The following SPAG16 variants were observed in gnomAD, a reference collection of about 807,000 sequenced individuals.
SPAG16 encodes the protein sperm-associated antigen 16 protein.
In SPAG16, 86 loss-of-function variants were observed where a neutral mutation model predicts 80.4. The observed-to-expected ratio is 1.07, with a 90% confidence interval of 0.90 to 1.28. The LOEUF is 1.28. Among genes scored for constraint, SPAG16 ranks in the 50% most tolerant of loss-of-function variants. The probability of loss-of-function intolerance (pLI) is 0.00; values close to 1 mark genes in which losing one functional copy is unlikely to be tolerated. For synonymous variants in SPAG16, 294 were observed against 265.9 expected (o/e 1.11, Z -1.03); for missense variants, 870 against 765.3 (o/e 1.14, Z -1.61).
chr2:214,022,248 C>T (rs181060932), intron 13 of SPAG16, among the ~76,000 whole-genome samples: 7 of 152,128 alleles, frequency 4.6e-5, no homozygotes, highest in Admixed American at 2.6e-4. Flanking sequence ...AATCAATGTA[C>T]GTAATTGCAT....
chr2:214,314,389 A>G lies in SPAG16; in HGVS notation c.1721-95751A>G, dbSNP rs563562420. ...GTGCTTTGGGAAACCCCAAGTTTATACTAAGTGCTAACTTTAATCTTGTTT... is the reference window on the plus strand; with the variant it reads ...GTGCTTTGGGAAACCCCAAGTTTATGCTAAGTGCTAACTTTAATCTTGTTT... On this transcript the variant is annotated intron_variant, in intron 15 of 15. Coordinates refer to ENST00000331683, the MANE Select transcript of SPAG16 (RefSeq NM_024532.5). 3.3e-5 allele frequency among the ~76,000 whole-genome samples: 5 copies of G among 152,340 alleles called. No individual in the cohort carries two copies. The South Asian group carries it at 8.3e-4, about 25-fold the overall frequency.
At chr2:213,718,407 A>G (rs557910213) in intron 10 of SPAG16, among the ~76,000 whole-genome samples, 1 of 152,266 alleles carries the variant, frequency 6.6e-6, no homozygotes, top group South Asian at 2.1e-4. Flanking sequence ...GGAGCCCTTC[A>G]GTCCCCCCAC....
chr2:214,136,310 C>T lies in SPAG16; in HGVS notation c.1594-12830C>T, dbSNP rs559029816. Among the ~76,000 whole-genome samples, 5 of 152,194 alleles carry T rather than the reference C, an allele frequency of 3.3e-5. 1 individual carries two copies. The highest frequency in any genetic ancestry group is 9.6e-5 in the African/African-American group (4 of 41,518). ...AACCATAGCATCAGGTTTTCAATTC[C>T]GAGCCTGTGTTTTGCTAACCAAATG... On this transcript the variant is annotated intron_variant, in intron 14 of 15. Transcript: ENST00000331683.
At chr2:214,143,792 A>T (rs1240628710) in intron 14 of SPAG16, among the ~76,000 whole-genome samples, 1 of 152,168 alleles carries the variant, frequency 6.6e-6, no homozygotes, top group Non-Finnish European at 1.5e-5. Flanking sequence ...AACTTCTTTG[A>T]GAGCTTTCCA....
rs543293511 is a variant in SPAG16 at position 213,498,143 on chromosome 2, G to A, written c.1070+8053G>A. On this transcript the variant is annotated intron_variant, in intron 10 of 15. Transcript: ENST00000331683. ...CATTATTCTGTTTAAATAATTAAAG[G>A]TGGCAAGACATGGTGAAGTATGAGC... 2.0e-5 allele frequency among the ~76,000 whole-genome samples: 3 copies of A among 152,164 alleles called. No homozygotes were observed. The East Asian group carries it at 5.8e-4, about 29-fold the overall frequency.
At chr2:213,762,829 C>T (rs1219588246) in intron 10 of SPAG16, among the ~76,000 whole-genome samples, 4 of 152,062 alleles carry the variant, frequency 2.6e-5, no homozygotes, top group Non-Finnish European at 1.5e-5. Context: ...GGAAGCAATC[C>T]AACAGAGTGA....
chr2:214,188,505 G>T (rs1243402428), intron 15 of SPAG16, among the ~76,000 whole-genome samples: 2 of 151,976 alleles, frequency 1.3e-5, no homozygotes, highest in Non-Finnish European at 2.9e-5. Context: ...AGAATAAAAG[G>T]GACTTATTAA....
At chr2:213,869,925 G>C (rs2075883303) in intron 11 of SPAG16, among the ~76,000 whole-genome samples, 1 of 152,124 alleles carries the variant, frequency 6.6e-6, no homozygotes, top group Non-Finnish European at 1.5e-5. Flanking sequence ...TATCTGTATT[G>C]GGGAAGGCCT....
intron 15 of SPAG16, among the ~76,000 whole-genome samples, chr2:214,236,599 C>T (rs1259370311): frequency 6.6e-6 from 1 of 151,864 alleles, no homozygotes; most frequent in Non-Finnish European, 1.5e-5. Context: ...TTATAGTGAG[C>T]CAAGATCGCA....
chr2:213,590,612 A>G (rs2060651953), intron 10 of SPAG16, among the ~76,000 whole-genome samples: 1 of 152,200 alleles, frequency 6.6e-6, no homozygotes, highest in Non-Finnish European at 1.5e-5. Context: ...GCCATCTCAT[A>G]CAAGTTAAGA....
At chr2:213,742,547 C>CTTT (rs35850810) in intron 10 of SPAG16, among the ~76,000 whole-genome samples, 37 of 24,762 alleles carry the variant, frequency 1.5e-3, no homozygotes, top group African/African-American at 1.7e-3. Flanking sequence ...TTGCTTATTT[C>CTTT]TTTTTTTTTT....
intron 9 of SPAG16, among the ~76,000 whole-genome samples, chr2:213,467,301 A>G (rs533232096): frequency 8.5e-5 from 13 of 152,210 alleles, no homozygotes; most frequent in South Asian, 8.3e-4. Context: ...GGCTTGATCA[A>G]TTTTCCCTTG....
intron 10 of SPAG16, among the ~76,000 whole-genome samples, chr2:213,675,987 A>G (rs935791825): frequency 1.1e-4 from 17 of 152,088 alleles, no homozygotes; most frequent in African/African-American, 1.9e-4. Flanking sequence ...AGTATGGCCA[A>G]TTTCATGATA....
chr2:213,913,559 CTCTG>C (rs1259022852), intron 11 of SPAG16, among the ~76,000 whole-genome samples: 4 of 131,426 alleles, frequency 3.0e-5, no homozygotes, highest in East Asian at 2.2e-4. Context: ...GTGTGTATCT[CTCTG>C]TGTGTGTATA....
chr2:213,469,381 A>G (rs1284661288), intron 9 of SPAG16, among the ~76,000 whole-genome samples: 1 of 152,082 alleles, frequency 6.6e-6, no homozygotes, highest in Admixed American at 6.6e-5. Flanking sequence ...AGGAAATAAA[A>G]TGAAGATGTT....
At chr2:214,121,037 C>T (rs571298013) in intron 14 of SPAG16, among the ~76,000 whole-genome samples, 21 of 151,756 alleles carry the variant, frequency 1.4e-4, no homozygotes, top group African/African-American at 5.1e-4. Flanking sequence ...TAGAACTCTC[C>T]GTCATAGCTA....
At chr2:213,679,332 A>G (rs145972519) in intron 10 of SPAG16, among the ~76,000 whole-genome samples, 22 of 152,334 alleles carry the variant, frequency 1.4e-4, no homozygotes, top group African/African-American at 5.0e-4. Flanking sequence ...ATTTCCAAGA[A>G]CCAGATAATA....
chr2:213,979,225 A>G (rs1481273714), intron 12 of SPAG16, among the ~76,000 whole-genome samples: 2 of 151,914 alleles, frequency 1.3e-5, no homozygotes, highest in East Asian at 1.9e-4. Context: ...CTGGCCTCCA[A>G]TTAGTCATGT....
chr2:213,292,410 A>C (rs920167887), intron 1 of SPAG16, among the ~76,000 whole-genome samples: 25 of 152,084 alleles, frequency 1.6e-4, no homozygotes, highest in African/African-American at 5.3e-4. Context: ...CACGCCTGTA[A>C]TCCCAGCACT....
Sources: allele counts gnomAD v4.1 joint callset (sites outside exome capture counted in the v4.1 genomes callset), GRCh38; gene constraint gnomAD v4.1.1; transcripts MANE v1.5; gene names NCBI Gene and HGNC (gene_info 2026-07-23, HGNC 2026-07-21).